The following IGSF5 variants were observed in gnomAD, a reference collection of about 807,000 sequenced individuals.
IGSF5 encodes the protein immunoglobulin superfamily member 5.
IGSF5 carries 41 observed loss-of-function variants against 39.4 expected under a neutral mutation model. The observed-to-expected ratio is 1.04, with a 90% CI of 0.81 to 1.35. The LOEUF is 1.35. IGSF5 is among the 40% of genes most tolerant of loss of function. IGSF5 has a pLI of 0.00. For missense variants in IGSF5, 487 were observed against 494.6 expected, an observed-to-expected ratio of 0.98 and a Z score of 0.15; for synonymous variants, 183 against 175.3, an observed-to-expected ratio of 1.04 and a Z score of -0.34.
At chr21:39,724,156 CA>C in the IGSF5 span, among the ~76,000 whole-genome samples, 1 of 151,948 alleles carries the variant, frequency 6.6e-6, no homozygotes, top group Non-Finnish European at 1.5e-5. Context: ...TCAAGTAATA[CA>C]ATAAAATTCT....
chr21:39,761,149 A>G (rs2080059675), intron 2 of IGSF5, among the ~76,000 whole-genome samples: 1 of 152,180 alleles, frequency 6.6e-6, no homozygotes, highest in Non-Finnish European at 1.5e-5. Context: ...AAAGTAAACA[A>G]TGGGGAAAGA....
chr21:39,786,206 C>T (rs1241698836), intron 5 of IGSF5, among the ~76,000 whole-genome samples: 2 of 151,930 alleles, frequency 1.3e-5, no homozygotes, highest in Admixed American at 6.5e-5. Context: ...GCAACCTGCT[C>T]ATCTGACAAA....
At chr21:39,769,263 C>A (rs1189971552) in intron 3 of IGSF5, among the ~76,000 whole-genome samples, 1 of 152,054 alleles carries the variant, frequency 6.6e-6, no homozygotes, top group Non-Finnish European at 1.5e-5. Context: ...CTCACTTGAG[C>A]CCAGGAGTTT....
the IGSF5 span, among the ~76,000 whole-genome samples, chr21:39,713,445 T>A: frequency 8.5e-5 from 13 of 152,328 alleles, no homozygotes; most frequent in Non-Finnish European, 1.5e-4. Flanking sequence ...TTTCTGCTGC[T>A]AATGATGTGA....
chr21:39,724,073 A>C, the IGSF5 span, among the ~76,000 whole-genome samples: 1 of 3,474 alleles, frequency 2.9e-4, no homozygotes, highest in East Asian at 3.3e-3. Context: ...CTCAAAAAAT[A>C]AAATAAAATA....
intron 2 of IGSF5, among the ~76,000 whole-genome samples, chr21:39,759,828 C>G (rs2080052517): frequency 6.7e-6 from 1 of 149,230 alleles, no homozygotes. Flanking sequence ...GATTGTGACA[C>G]TGCCCTCCAG....
the IGSF5 span, among the ~76,000 whole-genome samples, chr21:39,732,729 T>C: frequency 6.6e-6 from 1 of 152,158 alleles, no homozygotes; most frequent in Non-Finnish European, 1.5e-5. Flanking sequence ...AGAATATAGT[T>C]AAGATATAAT....
At chr21:39,771,582 T>C (rs1389143497) in intron 4 of IGSF5, among the ~76,000 whole-genome samples, 2 of 152,172 alleles carry the variant, frequency 1.3e-5, no homozygotes, top group African/African-American at 4.8e-5. Flanking sequence ...ATGAAGCAGG[T>C]CTTCATACTG....
intron 6 of IGSF5, among the ~76,000 whole-genome samples, chr21:39,790,878 C>A (rs1303447343): frequency 6.6e-6 from 1 of 152,080 alleles, no homozygotes; most frequent in Non-Finnish European, 1.5e-5. Context: ...AGAAGCAGTA[C>A]AGTATAACAA....
chr21:39,746,514 C>T (rs181560000), intron 2 of IGSF5, among the ~76,000 whole-genome samples: 79 of 152,308 alleles, frequency 5.2e-4, no homozygotes, highest in South Asian at 1.0e-3. Context: ...TTTGGGGTGG[C>T]ATATCCTAAT....
At chr21:39,773,590 T>C (rs565064598) in intron 4 of IGSF5, among the ~76,000 whole-genome samples, 1 of 152,252 alleles carries the variant, frequency 6.6e-6, no homozygotes, top group South Asian at 2.1e-4. Flanking sequence ...GGTCAGTTGG[T>C]GTCCCTCCAA....
chr21:39,716,972 A>G, the IGSF5 span, among the ~76,000 whole-genome samples: 1 of 152,232 alleles, frequency 6.6e-6, no homozygotes, highest in African/African-American at 2.4e-5. Flanking sequence ...CTAACAGTGT[A>G]TAAGAATTCC....
chr21:39,754,020 T>G (rs1041934918), intron 2 of IGSF5, among the ~76,000 whole-genome samples: 1 of 152,212 alleles, frequency 6.6e-6, no homozygotes, highest in Non-Finnish European at 1.5e-5. Flanking sequence ...GAGGTACTGT[T>G]GTATTCATCA....
At chr21:39,773,618 T>G (rs1427631362) in intron 4 of IGSF5, among the ~76,000 whole-genome samples, 1 of 152,176 alleles carries the variant, frequency 6.6e-6, no homozygotes, top group Non-Finnish European at 1.5e-5. Flanking sequence ...CTGGTGTCCT[T>G]CCGACATCCC....
chr21:39,749,194 C>T (rs887271069), intron 2 of IGSF5, among the ~76,000 whole-genome samples: 12 of 147,216 alleles, frequency 8.2e-5, no homozygotes, highest in African/African-American at 2.5e-4. Context: ...AAATAGGTTT[C>T]TTTTGGAAAG....
At chr21:39,718,892 T>C in the IGSF5 span, among the ~76,000 whole-genome samples, 1 of 152,302 alleles carries the variant, frequency 6.6e-6, no homozygotes, top group African/African-American at 2.4e-5. Flanking sequence ...ATCTTCTTCC[T>C]CAATTTTTTG....
In IGSF5 at chr21:39,770,881, A is replaced by G. The variant is rs2080110286; in HGVS notation, c.419-35A>G. ...AAACTTAGAAGCGAGAGGCATGGTC[A>G]TGTCTTCAATGTGTTTCTCTCTTTT... is the stretch of plus-strand genomic sequence containing the variant. On this transcript the variant is annotated intron_variant, in intron 3 of 8. Coordinates refer to ENST00000380588, the MANE Select transcript of IGSF5 (RefSeq NM_001080444.2). 2.2e-6 allele frequency: 3 copies of G among 1,362,368 alleles called. No homozygotes were observed. In the Admixed American group the frequency reaches 8.3e-5, roughly 38 times the overall value. 84.4% of individuals were successfully genotyped at this position (1,362,368 alleles called of 1,614,324 possible).
At chr21:39,785,592 A>C (rs1275915558) in intron 5 of IGSF5, among the ~76,000 whole-genome samples, 1 of 152,172 alleles carries the variant, frequency 6.6e-6, no homozygotes, top group Non-Finnish European at 1.5e-5. Flanking sequence ...AATTCAGTGA[A>C]GAAAGTCATT....
chr21:39,749,316 G>C (rs140387607), intron 2 of IGSF5, among the ~76,000 whole-genome samples: 14,734 of 151,506 alleles, frequency 0.097, 2,325 homozygotes, highest in African/African-American at 0.34. Flanking sequence ...GGGCTCAAGT[G>C]ATTCTCCTGC....
Sources: gnomAD v4.1 joint callset for allele counts (sites outside exome capture counted in the v4.1 genomes callset) on GRCh38, gnomAD v4.1.1 for gene constraint, MANE v1.5 for transcripts, NCBI Gene and HGNC (gene_info 2026-07-23, HGNC 2026-07-21) for gene names.